ITGA8: variants seen among roughly 807,000 people sequenced by gnomAD.
The protein encoded by ITGA8 is integrin alpha-8.
In ITGA8, 91 loss-of-function variants were observed where a neutral mutation model predicts 142.3. That is an observed-to-expected ratio of 0.64 (90% CI 0.54 to 0.76). ITGA8 has a LOEUF of 0.76. ITGA8 is among the 30% of genes least tolerant of loss of function. The probability of loss-of-function intolerance (pLI) is 0.00; values close to 1 mark genes in which losing one functional copy is unlikely to be tolerated. For synonymous variants in ITGA8, 505 were observed against 485.2 expected, an observed-to-expected ratio of 1.04 and a Z score of -0.54; for missense variants, 1,406 against 1,327.7, an observed-to-expected ratio of 1.06 and a Z score of -0.92.
chr10:15,676,155 G>A (rs957633540), intron 6 of ITGA8, among the ~76,000 whole-genome samples: 12 of 151,794 alleles, frequency 7.9e-5, no homozygotes, highest in Non-Finnish European at 5.9e-5. Flanking sequence ...TCTCACCTAC[G>A]CTGCCCTCCT....
In ITGA8 at chr10:15,607,679, G is replaced by T; in HGVS notation, c.1762C>A (p.Arg588=). ...HQCQDFIVYL[R]DETEFRDKLS... ...AGAAGTCTTTCTGGAATACTTACTCGAAGGTAAACGATGAAATCCTGGCAC... is the reference window on the plus strand; with the variant it reads ...AGAAGTCTTTCTGGAATACTTACTCTAAGGTAAACGATGAAATCCTGGCAC... The change falls in exon 17 of 30, where the codon CGA becomes AGA. Residue 588 remains arginine, a splice_region_variant and synonymous_variant. Coordinates refer to ENST00000378076, the MANE Select transcript of ITGA8 (RefSeq NM_003638.3). 1.2e-6 allele frequency: 2 copies of T among 1,613,580 alleles called. No homozygotes were observed. The highest frequency in any genetic ancestry group is 8.5e-7 in the Non-Finnish European group (1 of 1,179,596).
At chr10:15,625,706 C>T (rs1469462933) in intron 13 of ITGA8, among the ~76,000 whole-genome samples, 3 of 152,178 alleles carry the variant, frequency 2.0e-5, no homozygotes, top group Non-Finnish European at 4.4e-5. Flanking sequence ...ACTGCCAGCA[C>T]CTCAGAATGT....
chr10:15,554,180 A>G (rs1263674374), intron 26 of ITGA8, among the ~76,000 whole-genome samples: 2 of 152,252 alleles, frequency 1.3e-5, no homozygotes, highest in Middle Eastern at 3.4e-3. Flanking sequence ...GGAGTGCAGG[A>G]ATGGAAAGGA....
intron 13 of ITGA8, among the ~76,000 whole-genome samples, chr10:15,634,910 TA>T (rs1156254032): frequency 1.3e-5 from 2 of 152,016 alleles, no homozygotes; most frequent in East Asian, 3.9e-4. Flanking sequence ...AAGGGTCTAC[TA>T]TTTTTTTGCA....
At chr10:15,545,938 G>T (rs1210139616) in intron 27 of ITGA8, among the ~76,000 whole-genome samples, 1 of 152,122 alleles carries the variant, frequency 6.6e-6, no homozygotes, top group African/African-American at 2.4e-5. Context: ...CCCATCCATG[G>T]TATGTAATTC....
intron 22 of ITGA8, among the ~76,000 whole-genome samples, chr10:15,586,929 T>TC: frequency 6.6e-6 from 1 of 151,598 alleles, no homozygotes; most frequent in South Asian, 2.1e-4. Context: ...ACTAACACTT[T>TC]TTTTTTTTTT....
At chr10:15,534,979 G>A (rs1050280805) in intron 27 of ITGA8, among the ~76,000 whole-genome samples, 3 of 152,192 alleles carry the variant, frequency 2.0e-5, no homozygotes, top group Non-Finnish European at 2.9e-5. Flanking sequence ...GGAGAGGCAC[G>A]GGGGGAGAGG....
At chr10:15,602,582 A>G (rs1284407343) in intron 20 of ITGA8, among the ~76,000 whole-genome samples, 1 of 152,118 alleles carries the variant, frequency 6.6e-6, no homozygotes, top group African/African-American at 2.4e-5. Context: ...TACAGAAAAT[A>G]CAAAAATTAG....
intron 27 of ITGA8, among the ~76,000 whole-genome samples, chr10:15,532,430 A>AGAAAAAAAAAAG (rs1564339111): frequency 7.4e-5 from 10 of 135,018 alleles, no homozygotes; most frequent in South Asian, 2.4e-4. Context: ...AAAAAAAAAA[A>AGAAAAAAAAAAG]AAAAAAAAAA....
intron 26 of ITGA8, among the ~76,000 whole-genome samples, chr10:15,555,764 C>T (rs376729716): frequency 1.0e-3 from 158 of 151,830 alleles, no homozygotes; most frequent in African/African-American, 3.5e-3. Context: ...GGCGCGATCT[C>T]GGCTCACTGC....
At chr10:15,674,119 T>A (rs1258873216) in intron 6 of ITGA8, among the ~76,000 whole-genome samples, 1 of 152,224 alleles carries the variant, frequency 6.6e-6, no homozygotes, top group African/African-American at 2.4e-5. Context: ...AACTAGATCA[T>A]AAATATTGCC....
intron 21 of ITGA8, among the ~76,000 whole-genome samples, chr10:15,594,999 T>C (rs764831568): frequency 6.6e-6 from 1 of 152,182 alleles, no homozygotes; most frequent in Non-Finnish European, 1.5e-5. Context: ...CCAGATCTCA[T>C]GGCATTGATT....
chr10:15,521,093 A>C (rs1277615420), intron 28 of ITGA8, among the ~76,000 whole-genome samples: 1 of 152,160 alleles, frequency 6.6e-6, no homozygotes. Flanking sequence ...ATCTTGGCTC[A>C]CTGCAACTTC....
In ITGA8 at chr10:15,613,629, T is replaced by C. The variant is rs565057824; in HGVS notation, c.1553+31A>G. ...GATACCCAGGTGATGTGAATTCACA[T>C]TGGAGTTTGAGAAGCACCGGACTAA... On this transcript the variant is annotated intron_variant, in intron 15 of 29. Transcript: ENST00000378076. The C allele has an allele frequency of 5.1e-5, 71 of 1,379,478 alleles. 2 individuals are homozygous for C. In the Middle Eastern group the frequency reaches 7.1e-4, roughly 14 times the overall value. The allele number at this position is 1,379,478 out of a possible 1,614,324, so 85.5% of individuals were successfully genotyped here.
chr10:15,525,171 G>C (rs1365816211), intron 28 of ITGA8, among the ~76,000 whole-genome samples: 1 of 151,946 alleles, frequency 6.6e-6, no homozygotes, highest in Non-Finnish European at 1.5e-5. Context: ...ACCATGCCTG[G>C]TGGTTTGATT....
At chr10:15,555,829 G>A (rs978256156) in intron 26 of ITGA8, among the ~76,000 whole-genome samples, 42 of 151,680 alleles carry the variant, frequency 2.8e-4, no homozygotes, top group African/African-American at 9.9e-4. Context: ...CCGAGGAGCT[G>A]GGACTACAGG....
At chr10:15,540,188 A>G (rs1333202274) in intron 27 of ITGA8, among the ~76,000 whole-genome samples, 1 of 152,134 alleles carries the variant, frequency 6.6e-6, no homozygotes, top group Non-Finnish European at 1.5e-5. Context: ...TAGACAATAA[A>G]TTATTGTTAA....
At chr10:15,585,334 T>C (rs1256602173) in intron 23 of ITGA8, among the ~76,000 whole-genome samples, 1 of 152,202 alleles carries the variant, frequency 6.6e-6, no homozygotes, top group Non-Finnish European at 1.5e-5. Context: ...CCCTCACCTG[T>C]ACAAGGAGGA....
chr10:15,581,745 C>A (rs2131588223), intron 23 of ITGA8, among the ~76,000 whole-genome samples: 1 of 152,292 alleles, frequency 6.6e-6, no homozygotes, highest in African/African-American at 2.4e-5. Context: ...TTGTCAAAAT[C>A]TCAGGATACA....
Sources: gnomAD v4.1 joint callset for allele counts (sites outside exome capture counted in the v4.1 genomes callset) on GRCh38, gnomAD v4.1.1 for gene constraint, MANE v1.5 for transcripts, NCBI Gene and HGNC (gene_info 2026-07-23, HGNC 2026-07-21) for gene names.